THTPA: variants seen among roughly 807,000 people sequenced by gnomAD.
The protein encoded by THTPA is thiamine triphosphatase, also known as thiamine-triphosphatase.
Under a neutral mutation model 16.5 loss-of-function variants are expected in THTPA, and 16 were observed. That is an observed-to-expected ratio of 0.97 (90% CI 0.66 to 1.47). THTPA has a LOEUF of 1.47. THTPA is among the 40% of genes most tolerant of loss of function. The pLI, the probability that THTPA is intolerant of heterozygous loss-of-function variation, is 0.00. For missense variants in THTPA, 281 were observed against 280.9 expected, an observed-to-expected ratio of 1.00 and a Z score of 0.00; for synonymous variants, 110 against 115.5, an observed-to-expected ratio of 0.95 and a Z score of 0.30.
Position 23,560,052 on chromosome 14 carries a change from T to G in THTPA, c.*1212T>G. 6.4e-7 allele frequency: 1 copy of G among 1,558,882 alleles called. No individual in the cohort carries two copies. Among genetic ancestry groups the G allele is most frequent in the Non-Finnish European group, 8.8e-7 (1 of 1,134,808 alleles). On this transcript the variant is annotated 3_prime_UTR_variant, in exon 2 of 2. Transcript: ENST00000288014. ...GCTGGAGACTCTGAACACAGGAGTTTAACAGAGCACAGTATGGCAGTAGGT... is the reference window on the plus strand; with the variant it reads ...GCTGGAGACTCTGAACACAGGAGTTGAACAGAGCACAGTATGGCAGTAGGT...
At chr14:23,540,483 T>C in the THTPA span, among the ~76,000 whole-genome samples, 1 of 152,152 alleles carries the variant, frequency 6.6e-6, no homozygotes, top group Non-Finnish European at 1.5e-5. Flanking sequence ...GAGGTGACCA[T>C]GGAGAGAAGG....
the THTPA span, among the ~76,000 whole-genome samples, chr14:23,541,490 T>C: frequency 6.6e-6 from 1 of 151,960 alleles, no homozygotes; most frequent in African/African-American, 2.4e-5. Flanking sequence ...CTTCTCCATG[T>C]TGGTCAGGCT....
At chr14:23,516,194 A>G in the THTPA span, among the ~76,000 whole-genome samples, 1 of 152,162 alleles carries the variant, frequency 6.6e-6, no homozygotes, top group Non-Finnish European at 1.5e-5. Context: ...AGGAATATGC[A>G]TTTTACATAA....
the THTPA span, chr14:23,524,800 C>T: frequency 1.3e-6 from 2 of 1,536,738 alleles, no homozygotes; most frequent in South Asian, 1.2e-5. The surrounding 1 kb of genome is among the most constrained non-coding windows in gnomAD (Gnocchi z 5.6). Flanking sequence ...CTTCTTCTTC[C>T]ACCTCTTCCT....
chr14:23,523,976 G>C, the THTPA span: 1 of 1,529,606 alleles, frequency 6.5e-7, no homozygotes, highest in African/African-American at 1.4e-5. This position sits in a 1 kb window ranked among gnomAD's most constrained non-coding sequence, Gnocchi z 4.1. Context: ...TGGTGTTGGG[G>C]TGGTGGCCTC....
chr14:23,549,230 C>T, the THTPA span, among the ~76,000 whole-genome samples: 3 of 152,094 alleles, frequency 2.0e-5, no homozygotes, highest in Non-Finnish European at 4.4e-5. Flanking sequence ...TCCCCTGCCC[C>T]CGAGTCCGCA....
At chr14:23,547,363 G>A in the THTPA span, among the ~76,000 whole-genome samples, 5 of 152,206 alleles carry the variant, frequency 3.3e-5, no homozygotes, top group South Asian at 2.1e-4. Flanking sequence ...GTATATATAC[G>A]GTTATGACCA....
the THTPA span, chr14:23,521,066 AC>A: frequency 6.6e-6 from 1 of 151,254 alleles, no homozygotes; most frequent in Non-Finnish European, 1.5e-5. Flanking sequence ...TGGAGGCTGG[AC>A]CCTCACGTGG....
chr14:23,519,485 G>T, the THTPA span, among the ~76,000 whole-genome samples: 1 of 152,066 alleles, frequency 6.6e-6, no homozygotes, highest in East Asian at 1.9e-4. Flanking sequence ...CAAGAGAGGC[G>T]GGGAAAGAAG....
the THTPA span, chr14:23,538,124 CAT>C: frequency 6.6e-6 from 1 of 152,382 alleles, no homozygotes; most frequent in South Asian, 2.1e-4. Context: ...TGGAAAAAGA[CAT>C]AGCTGATTCC....
At chr14:23,549,112 C>A in the THTPA span, among the ~76,000 whole-genome samples, 1 of 152,132 alleles carries the variant, frequency 6.6e-6, no homozygotes, top group South Asian at 2.1e-4. Flanking sequence ...TTTCTGTTGA[C>A]CTCCACTTTA....
the THTPA span, chr14:23,535,156 C>A: frequency 6.5e-7 from 1 of 1,535,962 alleles, no homozygotes; most frequent in Non-Finnish European, 8.7e-7. The surrounding 1 kb of genome is among the most constrained non-coding windows in gnomAD (Gnocchi z 4.5). Flanking sequence ...GAGCTGTCCC[C>A]CTGGCTCTGA....
At chr14:23,518,564 C>T in the THTPA span, among the ~76,000 whole-genome samples, 1 of 152,352 alleles carries the variant, frequency 6.6e-6, no homozygotes, top group Non-Finnish European at 1.5e-5. This position sits in a 1 kb window ranked among gnomAD's most constrained non-coding sequence, Gnocchi z 4.5. Flanking sequence ...CATCCTCACA[C>T]AGACTCTGGT....
At chr14:23,521,707 G>A in the THTPA span, 1 of 549,632 alleles carries the variant, frequency 1.8e-6, no homozygotes. Context: ...GTATGTGTCT[G>A]TGAAGATGGG....
At chr14:23,528,352 CCTT>C in the THTPA span, among the ~76,000 whole-genome samples, 2 of 152,188 alleles carry the variant, frequency 1.3e-5, no homozygotes, top group Non-Finnish European at 2.9e-5. Context: ...ACCTTGCACT[CCTT>C]CTTTGTCTGG....
the THTPA span, chr14:23,527,018 G>T: frequency 6.8e-7 from 1 of 1,461,892 alleles, no homozygotes; most frequent in African/African-American, 1.4e-5. Flanking sequence ...ACCCCCCACT[G>T]CCCCTATGCC....
chr14:23,524,715 C>G, the THTPA span: 1 of 1,536,200 alleles, frequency 6.5e-7, no homozygotes, highest in African/African-American at 1.4e-5. This position sits in a 1 kb window ranked among gnomAD's most constrained non-coding sequence, Gnocchi z 5.6. Flanking sequence ...TGGCTCAGCT[C>G]CTCCCCATCT....
chr14:23,534,393 T>C, the THTPA span: 11 of 1,536,874 alleles, frequency 7.2e-6, no homozygotes, highest in Non-Finnish European at 9.6e-6. The surrounding 1 kb of genome is among the most constrained non-coding windows in gnomAD (Gnocchi z 4.5). Flanking sequence ...CCATGTTCAC[T>C]GTGCTGCTGT....
At chr14:23,554,854 C>T (rs1464338832), upstream of THTPA, among the ~76,000 whole-genome samples, 1 of 152,170 alleles carries the variant, frequency 6.6e-6, no homozygotes, top group Non-Finnish European at 1.5e-5. Context: ...CAGGGAGCTT[C>T]CTCACATGGA....
Sources: gnomAD v4.1 joint callset for allele counts (sites outside exome capture counted in the v4.1 genomes callset) on GRCh38, gnomAD v4.1.1 for gene constraint, Gnocchi (gnomAD v3.1) non-coding constraint, MANE v1.5 for transcripts, NCBI Gene and HGNC (gene_info 2026-07-23, HGNC 2026-07-21) for gene names.